The following CABCOCO1 variants were observed in gnomAD, a reference collection of about 807,000 sequenced individuals.
The protein encoded by CABCOCO1 is ciliary associated calcium binding coiled-coil 1.
CABCOCO1 carries 28 observed loss-of-function variants against 35.7 expected under a neutral mutation model. The ratio of observed to expected loss-of-function variants is 0.78; its 90% CI spans 0.58 to 1.07. The LOEUF is 1.07. Among genes scored for constraint, CABCOCO1 ranks in the 50% least tolerant of loss-of-function variants. The pLI is 0.00. For missense variants in CABCOCO1, 326 were observed against 309.2 expected (o/e 1.05, Z -0.41); for synonymous variants, 95 against 100.1 (o/e 0.95, Z 0.30).
intron 2 of CABCOCO1, among the ~76,000 whole-genome samples, chr10:61,678,228 G>A (rs12781009): frequency 0.13 from 19,747 of 151,980 alleles, 1,576 homozygotes; most frequent in East Asian, 0.23. Context: ...GACTTTCTGC[G>A]TATTCCACTG....
intron 2 of CABCOCO1, among the ~76,000 whole-genome samples, chr10:61,677,527 T>A (rs1839552275): frequency 6.6e-6 from 1 of 152,164 alleles, no homozygotes; most frequent in Admixed American, 6.5e-5. Flanking sequence ...TTTCCCAGTC[T>A]GCAGCTTGTC....
chr10:61,760,079 G>C lies in CABCOCO1; in HGVS notation c.573G>C (p.Lys191Asn). 6.2e-7 allele frequency: 1 copy of C among 1,612,862 alleles called. No individual in the cohort carries two copies. Among genetic ancestry groups the C allele is most frequent in the African/African-American group, 1.3e-5 (1 of 74,948 alleles). Reference sequence around the variant, plus strand: ...ATCAGCAAGTGATAGAGGTTGTCAAGTCTGCATGTGGCCCTTTCCCAAATC... The same window carrying C: ...ATCAGCAAGTGATAGAGGTTGTCAACTCTGCATGTGGCCCTTTCCCAAATC... The part of the protein sequence containing the change: ...IGTEQVIEVV[K>N]SACGPFPNPL... Residue 191 changes from lysine (K) to asparagine (N), a missense_variant, in exon 6 of 8, where the codon AAG (lysine) becomes AAC (asparagine). By Grantham distance (94) the Lys-to-Asn change is moderately conservative. Transcript: ENST00000648843.
intron 5 of CABCOCO1, among the ~76,000 whole-genome samples, chr10:61,737,394 A>G (rs1841443363): frequency 6.6e-6 from 1 of 152,150 alleles, no homozygotes; most frequent in African/African-American, 2.4e-5. Flanking sequence ...CAGTGTGGTG[A>G]TTTCTCAAAA....
intron 5 of CABCOCO1, among the ~76,000 whole-genome samples, chr10:61,702,383 G>T (rs1052094875): frequency 6.6e-6 from 1 of 151,902 alleles, no homozygotes; most frequent in Non-Finnish European, 1.5e-5. Flanking sequence ...TCTTACTCTG[G>T]GTAGCAATTA....
intron 5 of CABCOCO1, among the ~76,000 whole-genome samples, chr10:61,737,498 T>C (rs1460824638): frequency 6.6e-6 from 1 of 152,152 alleles, no homozygotes; most frequent in Non-Finnish European, 1.5e-5. Flanking sequence ...TAAAGACACA[T>C]TCACGCGAAT....
intron 2 of CABCOCO1, among the ~76,000 whole-genome samples, chr10:61,675,945 G>A (rs12761889): frequency 0.16 from 24,729 of 151,994 alleles, 2,766 homozygotes; most frequent in African/African-American, 0.29. Flanking sequence ...AGAAAAAATA[G>A]TCTACACTTC....
intron 2 of CABCOCO1, among the ~76,000 whole-genome samples, chr10:61,680,677 T>A (rs188227015): frequency 0.025 from 2,041 of 82,374 alleles, 204 homozygotes; most frequent in African/African-American, 0.098. Context: ...ATAACATATA[T>A]GTTATACATG....
intron 5 of CABCOCO1, among the ~76,000 whole-genome samples, chr10:61,756,954 G>T (rs1411791923): frequency 4.0e-5 from 6 of 151,860 alleles, no homozygotes; most frequent in Non-Finnish European, 2.9e-5. Context: ...TATAAAACTA[G>T]CTTTATTTAA....
Position 61,702,738 on chromosome 10 carries a change from A to C in CABCOCO1, c.552+12117A>C, listed in dbSNP as rs1385336517. ...GTGAGTGTTTGACAGATGGCTGAGA[A>C]TATACAAGCAGATATGCACTGTGCA... On this transcript the variant is annotated intron_variant, in intron 5 of 7. Coordinates refer to ENST00000648843, the MANE Select transcript of CABCOCO1 (RefSeq NM_001366906.2). 2.0e-5 allele frequency among the ~76,000 whole-genome samples: 3 copies of C among 152,146 alleles called. No homozygotes were observed. In the East Asian group the frequency reaches 5.8e-4, roughly 29 times the overall value.
chr10:61,717,805 G>T (rs1564546086), intron 5 of CABCOCO1, among the ~76,000 whole-genome samples: 1 of 152,170 alleles, frequency 6.6e-6, no homozygotes, highest in Non-Finnish European at 1.5e-5. Context: ...GGCCTTCAGA[G>T]AAGGGCAGAA....
intron 5 of CABCOCO1, among the ~76,000 whole-genome samples, chr10:61,741,983 CA>C (rs1407553421): frequency 6.6e-6 from 1 of 152,034 alleles, no homozygotes. Flanking sequence ...TGGTTCTTAC[CA>C]AATGTGGGGA....
chr10:61,730,369 T>C (rs1841274195), intron 5 of CABCOCO1, among the ~76,000 whole-genome samples: 1 of 152,018 alleles, frequency 6.6e-6, no homozygotes, highest in Non-Finnish European at 1.5e-5. Context: ...TAGGAACAAA[T>C]TGTAACTATT....
intron 5 of CABCOCO1, among the ~76,000 whole-genome samples, chr10:61,693,436 G>C (rs1413877477): frequency 6.6e-6 from 1 of 152,044 alleles, no homozygotes. Context: ...AAGCATTCAA[G>C]TTAGATAACA....
At chr10:61,669,968 T>C (rs1327445976) in intron 1 of CABCOCO1, among the ~76,000 whole-genome samples, 1 of 152,140 alleles carries the variant, frequency 6.6e-6, no homozygotes, top group African/African-American at 2.4e-5. Flanking sequence ...CCTTAAGTCA[T>C]AAAATTAATC....
chr10:61,688,576 T>C (rs2131991007), intron 4 of CABCOCO1, among the ~76,000 whole-genome samples: 1 of 152,330 alleles, frequency 6.6e-6, no homozygotes, highest in South Asian at 2.1e-4. Flanking sequence ...TTTACATATA[T>C]ACGGCCCAAA....
chr10:61,687,318 C>T (rs1055939993), intron 4 of CABCOCO1, among the ~76,000 whole-genome samples: 3 of 152,116 alleles, frequency 2.0e-5, no homozygotes, highest in South Asian at 4.1e-4. Flanking sequence ...GGGGAGACGA[C>T]GGTAATCCAA....
intron 5 of CABCOCO1, among the ~76,000 whole-genome samples, chr10:61,693,419 C>T (rs1241457593): frequency 1.3e-5 from 2 of 152,022 alleles, no homozygotes; most frequent in African/African-American, 4.8e-5. Context: ...AAATTTAACT[C>T]TTAGGCAAGC....
intron 5 of CABCOCO1, among the ~76,000 whole-genome samples, chr10:61,725,143 G>A (rs1031798848): frequency 3.9e-5 from 6 of 152,066 alleles, no homozygotes; most frequent in South Asian, 2.1e-4. Flanking sequence ...AAATAGGAAC[G>A]CTTTTACACT....
chr10:61,701,894 T>A, intron 5 of CABCOCO1: 1 of 813,460 alleles, frequency 1.2e-6, no homozygotes, highest in Non-Finnish European at 1.5e-6. Flanking sequence ...AGATTTGTCT[T>A]GTCTGCATAA....
Sources: gnomAD v4.1 joint callset for allele counts (sites outside exome capture counted in the v4.1 genomes callset) on GRCh38, gnomAD v4.1.1 for gene constraint, MANE v1.5 for transcripts, NCBI Gene and HGNC (gene_info 2026-07-23, HGNC 2026-07-21) for gene names.